Variants in RSF1 observed in about 807,000 individuals in gnomAD.
The protein encoded by RSF1 is HBV pX-associated protein 8.
A neutral mutation model predicts 145.2 loss-of-function variants in RSF1; 13 were observed. The observed-to-expected ratio is 0.09, with a 90% CI of 0.06 to 0.14. RSF1 has a LOEUF of 0.14. Among genes scored for constraint, RSF1 ranks in the 10% least tolerant of loss-of-function variants. The probability of loss-of-function intolerance (pLI) is 1.00; values close to 1 mark genes in which losing one functional copy is unlikely to be tolerated. For synonymous variants in RSF1, 577 were observed against 592.6 expected (o/e 0.97, Z 0.38); for missense variants, 1,517 against 1,718.2 (o/e 0.88, Z 2.07).
intron 1 of RSF1, among the ~76,000 whole-genome samples, chr11:77,807,070 A>T (rs1948684866): frequency 6.6e-6 from 1 of 152,242 alleles, no homozygotes; most frequent in South Asian, 2.1e-4. Context: ...TTTTTACTTT[A>T]AAGAAGGGAA....
intron 1 of RSF1, among the ~76,000 whole-genome samples, chr11:77,779,058 C>G (rs1209700922): frequency 1.3e-5 from 2 of 152,064 alleles, no homozygotes; most frequent in Non-Finnish European, 2.9e-5. Flanking sequence ...GATCTCATGT[C>G]TGAGCCTCCC....
chr11:77,710,096 T>A (rs1960643203), intron 5 of RSF1, among the ~76,000 whole-genome samples: 1 of 152,176 alleles, frequency 6.6e-6, no homozygotes, highest in Non-Finnish European at 1.5e-5. Flanking sequence ...GAGCTATACA[T>A]GCCTTTTCTA....
intron 15 of RSF1, among the ~76,000 whole-genome samples, chr11:77,671,539 T>C (rs893392231): frequency 1.4e-4 from 21 of 151,840 alleles, no homozygotes; most frequent in Admixed American, 9.2e-4. Context: ...ACAATGGAGA[T>C]CTTAAAAATT....
the RSF1 span, among the ~76,000 whole-genome samples, chr11:77,860,933 C>A: frequency 3.3e-5 from 5 of 152,218 alleles, no homozygotes; most frequent in South Asian, 1.0e-3. Context: ...GGTTTCTATA[C>A]CCCTAAAATT....
At chr11:77,841,630 C>T in the RSF1 span, among the ~76,000 whole-genome samples, 1 of 152,100 alleles carries the variant, frequency 6.6e-6, no homozygotes, top group African/African-American at 2.4e-5. Flanking sequence ...GCTGAGGATC[C>T]ATTAGCCCAG....
In RSF1 at chr11:77,676,868, G is replaced by A. The variant is rs759631002; in HGVS notation, c.3265C>T (p.Arg1089Trp). The change falls in exon 13 of 16, where the codon CGG becomes TGG. Residue 1089 changes from arginine (R) to tryptophan (W), a missense_variant. By Grantham distance (101) the Arg-to-Trp change is moderately radical. Coordinates refer to ENST00000308488, the MANE Select transcript of RSF1 (RefSeq NM_016578.4). ...TCACTGTCCAGATCATTTAATCGCCGGCGTTTCTTCCTTCGAGCAGCAGCT... is the reference window on the plus strand; with the variant it reads ...TCACTGTCCAGATCATTTAATCGCCAGCGTTTCTTCCTTCGAGCAGCAGCT... ...RAAAARRKKR[R>W]RLNDLDSDSN... 1 of 1,613,850 alleles carries A rather than the reference G, an allele frequency of 6.2e-7. No homozygotes were observed. The highest frequency in any genetic ancestry group is 1.3e-5 in the African/African-American group (1 of 74,874).
At chr11:77,865,601 C>T in the RSF1 span, among the ~76,000 whole-genome samples, 2 of 152,172 alleles carry the variant, frequency 1.3e-5, no homozygotes, top group Non-Finnish European at 2.9e-5. Context: ...GAGTGTCTAG[C>T]TTATCAGCTA....
At chr11:77,764,538 T>G (rs1270487341) in intron 2 of RSF1, 60 bp downstream of exon 2, 3 of 949,288 alleles carry the variant, frequency 3.2e-6, no homozygotes. Context: ...AAACATAATA[T>G]CAATTTATGC....
the RSF1 span, among the ~76,000 whole-genome samples, chr11:77,852,373 C>T: frequency 6.6e-6 from 1 of 151,940 alleles, no homozygotes; most frequent in South Asian, 2.1e-4. Flanking sequence ...TAGATGCCTC[C>T]CATTTCCTGT....
intron 3 of RSF1, among the ~76,000 whole-genome samples, chr11:77,745,247 T>G (rs1590863700): frequency 6.6e-6 from 1 of 152,290 alleles, no homozygotes; most frequent in East Asian, 1.9e-4. Context: ...TCTTTTCTAC[T>G]GTTTTTTTCT....
chr11:77,765,728 T>G (rs150791188), intron 1 of RSF1, among the ~76,000 whole-genome samples: 191 of 152,320 alleles, frequency 1.3e-3, no homozygotes, highest in African/African-American at 4.4e-3. Context: ...GAGGGACACA[T>G]ACGGCTGTCA....
At chr11:77,760,333 A>G (rs1260677185) in intron 2 of RSF1, among the ~76,000 whole-genome samples, 2 of 152,194 alleles carry the variant, frequency 1.3e-5, no homozygotes, top group Non-Finnish European at 2.9e-5. Flanking sequence ...AATACAAAAG[A>G]CCACATATTT....
rs879129938 is a variant in RSF1 at position 77,813,775 on chromosome 11, C to T, written c.187+6753G>A. ...GCGGATCACAGAGCCGCAGCACCTA[C>T]CACCGCGACTTCCTCAAAGAGCGGC... On this transcript the variant is annotated intron_variant, in intron 1 of 15. Transcript: ENST00000308488. The T allele has an allele frequency of 1.1e-5, 3 of 269,420 alleles. No individual in the cohort carries two copies. In the South Asian group the frequency reaches 1.3e-4, roughly 12 times the overall value. 16.7% of individuals were successfully genotyped at this position (269,420 alleles called of 1,614,324 possible).
chr11:77,861,863 G>A, the RSF1 span, among the ~76,000 whole-genome samples: 1 of 152,170 alleles, frequency 6.6e-6, no homozygotes, highest in Non-Finnish European at 1.5e-5. Flanking sequence ...AGGTTGCCAA[G>A]TTCAACAGGG....
rs372999112 is a variant in RSF1 at position 77,798,635 on chromosome 11, C to A, written c.187+21893G>T. Among the ~76,000 whole-genome samples, 195 of 93,502 alleles carry A rather than the reference C, an allele frequency of 2.1e-3. 3 individuals are homozygous for A. Among genetic ancestry groups the A allele is most frequent in the African/African-American group, 7.3e-3 (191 of 26,090 alleles). The allele number at this position is 93,502 out of a possible 152,430, so 61.3% of individuals were successfully genotyped here. A position where few individuals can be genotyped will look rare whatever the true frequency, so the allele number is the denominator to read the frequency against. On this transcript the variant is annotated intron_variant, in intron 1 of 15. Coordinates refer to ENST00000308488, the MANE Select transcript of RSF1 (RefSeq NM_016578.4). ...AAAAAAAAAAAAAGGCACATATACA[C>A]CATGGAATACTATATAGCCATAAAA...
chr11:77,722,421 C>G (rs1213549113), intron 5 of RSF1, among the ~76,000 whole-genome samples: 1 of 152,138 alleles, frequency 6.6e-6, no homozygotes, highest in African/African-American at 2.4e-5. Context: ...GCAGTATCAG[C>G]ATTACATAGG....
the RSF1 span, among the ~76,000 whole-genome samples, chr11:77,837,756 A>G: frequency 6.6e-6 from 1 of 152,062 alleles, no homozygotes; most frequent in Non-Finnish European, 1.5e-5. Flanking sequence ...TATTTTTTAG[A>G]TGGACATTCA....
intron 1 of RSF1, among the ~76,000 whole-genome samples, chr11:77,791,379 A>T (rs1209260254): frequency 6.6e-6 from 1 of 152,156 alleles, no homozygotes; most frequent in East Asian, 1.9e-4. Flanking sequence ...CAGTGCTGGG[A>T]TGGGATGCCG....
chr11:77,743,148 G>A (rs1947959869), intron 3 of RSF1, among the ~76,000 whole-genome samples: 1 of 152,118 alleles, frequency 6.6e-6, no homozygotes. Context: ...CTATAACTCA[G>A]TAGATTTTTG....
Sources: allele counts gnomAD v4.1 joint callset (sites outside exome capture counted in the v4.1 genomes callset), GRCh38; gene constraint gnomAD v4.1.1; transcripts MANE v1.5; gene names NCBI Gene and HGNC (gene_info 2026-07-23, HGNC 2026-07-21).